GPHN: variants seen among roughly 807,000 people sequenced by gnomAD.
GPHN encodes the protein gephyrin.
Under a neutral mutation model 95.5 loss-of-function variants are expected in GPHN, and 17 were observed. The ratio of observed to expected loss-of-function variants is 0.18; its 90% CI spans 0.12 to 0.27. GPHN has a LOEUF of 0.27. Ranked by LOEUF, GPHN falls within the 10% of genes least tolerant of loss-of-function variation. The pLI is 1.00. For synonymous variants in GPHN, 320 were observed against 322.5 expected, an observed-to-expected ratio of 0.99 and a Z score of 0.08; for missense variants, 660 against 978.1, an observed-to-expected ratio of 0.67 and a Z score of 4.34.
At chr14:67,388,306 T>C in the GPHN span, 1 of 1,601,284 alleles carries the variant, frequency 6.2e-7, no homozygotes. Flanking sequence ...TCTCTTCCTG[T>C]AGAGGAAAGG....
chr14:67,138,829 T>TG (rs1013492385), intron 17 of GPHN, among the ~76,000 whole-genome samples: 3 of 151,070 alleles, frequency 2.0e-5, no homozygotes, highest in African/African-American at 7.3e-5. Flanking sequence ...TGTTCACACA[T>TG]GCAGTTTTCT....
At chr14:66,524,319 AC>A (rs1324963289) in intron 1 of GPHN, among the ~76,000 whole-genome samples, 1 of 152,028 alleles carries the variant, frequency 6.6e-6, no homozygotes, top group African/African-American at 2.4e-5. Context: ...GTAGATGAGG[AC>A]CTTATATGTT....
the GPHN span, among the ~76,000 whole-genome samples, chr14:67,371,422 CAA>C: frequency 7.7e-6 from 1 of 129,912 alleles, no homozygotes; most frequent in Non-Finnish European, 1.7e-5. Flanking sequence ...TGTCTCCCAC[CAA>C]AAAAAAAAAA....
At chr14:67,476,396 G>C in the GPHN span, among the ~76,000 whole-genome samples, 1 of 152,106 alleles carries the variant, frequency 6.6e-6, no homozygotes, top group African/African-American at 2.4e-5. Flanking sequence ...AGAACAACCT[G>C]GCCGACATGG....
chr14:67,630,974 G>T, the GPHN span, among the ~76,000 whole-genome samples: 1 of 152,110 alleles, frequency 6.6e-6, no homozygotes, highest in African/African-American at 2.4e-5. Flanking sequence ...ATGAATGTTG[G>T]GTAACTAACA....
the GPHN span, among the ~76,000 whole-genome samples, chr14:67,528,044 T>C: frequency 6.6e-6 from 1 of 152,134 alleles, no homozygotes; most frequent in African/African-American, 2.4e-5. Flanking sequence ...ATGATGAATG[T>C]ATGAACACAG....
the GPHN span, among the ~76,000 whole-genome samples, chr14:67,342,422 A>G: frequency 6.6e-6 from 1 of 151,516 alleles, no homozygotes; most frequent in Non-Finnish European, 1.5e-5. Flanking sequence ...TATTTTAAAT[A>G]TAGTAGCAAT....
At chr14:66,788,629 A>G (rs2153469565) in intron 3 of GPHN, among the ~76,000 whole-genome samples, 1 of 152,294 alleles carries the variant, frequency 6.6e-6, no homozygotes, top group South Asian at 2.1e-4. Flanking sequence ...ATTAATGTTA[A>G]ACCCACTCCT....
the GPHN span, chr14:67,556,012 A>G: frequency 7.9e-7 from 1 of 1,263,464 alleles, no homozygotes; most frequent in Non-Finnish European, 1.1e-6. Flanking sequence ...TGAACAAATG[A>G]GTGTGCGTGG....
chr14:67,003,403 T>G (rs2072377569), intron 9 of GPHN, among the ~76,000 whole-genome samples: 3 of 151,728 alleles, frequency 2.0e-5, no homozygotes, highest in African/African-American at 4.8e-5. Context: ...AATGTAGGAA[T>G]CTATCTACTA....
At chr14:66,861,692 A>T (rs1452122364) in intron 4 of GPHN, among the ~76,000 whole-genome samples, 1 of 152,122 alleles carries the variant, frequency 6.6e-6, no homozygotes, top group Non-Finnish European at 1.5e-5. Context: ...ATAACGAGGA[A>T]TGTTGGAAAC....
the GPHN span, among the ~76,000 whole-genome samples, chr14:67,427,231 C>T: frequency 6.6e-6 from 1 of 152,298 alleles, no homozygotes; most frequent in East Asian, 1.9e-4. Flanking sequence ...CTGTAAAGCA[C>T]TATCCAAATG....
the GPHN span, among the ~76,000 whole-genome samples, chr14:67,496,797 T>TCTTGCTTG: frequency 2.5e-4 from 36 of 142,756 alleles, 1 homozygote; most frequent in South Asian, 7.1e-4. Flanking sequence ...TGTCTTTCTT[T>TCTTGCTTG]CTTGCTTGCT....
intron 9 of GPHN, among the ~76,000 whole-genome samples, chr14:67,022,568 G>GGTGTGTGTGT (rs72312422): frequency 8.6e-4 from 18 of 20,878 alleles, no homozygotes; most frequent in African/African-American, 1.9e-3. Flanking sequence ...TTTTTTTTTT[G>GGTGTGTGTGT]GTGTGTGTGT....
At chr14:67,685,230 G>T in the GPHN span, 6 of 1,583,320 alleles carry the variant, frequency 3.8e-6, no homozygotes, top group Middle Eastern at 1.7e-4. Flanking sequence ...ATGAAGAGAG[G>T]GTAAGACAGG....
the GPHN span, among the ~76,000 whole-genome samples, chr14:67,303,227 T>G: frequency 6.6e-6 from 1 of 152,220 alleles, no homozygotes. Flanking sequence ...TTGAGTGCAA[T>G]TTATGATCAC....
chr14:66,720,917 T>G (rs775423820), intron 2 of GPHN, among the ~76,000 whole-genome samples: 3 of 152,094 alleles, frequency 2.0e-5, no homozygotes, highest in Non-Finnish European at 2.9e-5. Context: ...ACTATAAATA[T>G]CCTAAGAGAA....
intron 6 of GPHN, among the ~76,000 whole-genome samples, chr14:66,918,576 T>A (rs1393763716): frequency 6.6e-6 from 1 of 152,172 alleles, no homozygotes; most frequent in Non-Finnish European, 1.5e-5. Flanking sequence ...ACGAAAGCTT[T>A]GTGTGAAATC....
chr14:67,648,001 C>G, the GPHN span: 2 of 1,524,332 alleles, frequency 1.3e-6, no homozygotes, highest in Non-Finnish European at 1.8e-6. Flanking sequence ...CAAGGACAAC[C>G]AGTTAAGTAT....
Sources: allele counts gnomAD v4.1 joint callset (sites outside exome capture counted in the v4.1 genomes callset), GRCh38; gene constraint gnomAD v4.1.1; transcripts MANE v1.5; gene names NCBI Gene and HGNC (gene_info 2026-07-23, HGNC 2026-07-21).